Variants in IQCE observed in about 807,000 individuals in gnomAD.
IQCE encodes the protein IQ domain-containing protein E.
IQCE carries 115 observed loss-of-function variants against 96.0 expected under a neutral mutation model. The observed-to-expected ratio is 1.20, with a 90% CI of 1.03 to 1.40. The LOEUF (loss-of-function observed/expected upper bound fraction) is 1.40, where lower values mean the gene tolerates loss of function less well. IQCE is among the 40% of genes most tolerant of loss of function. The pLI is 0.00. For synonymous variants in IQCE, 412 were observed against 371.2 expected (o/e 1.11, Z -1.26); for missense variants, 1,041 against 909.1 (o/e 1.15, Z -1.87).
At chr7:2,582,519 C>T (rs1782754184) in intron 8 of IQCE, 61 bp from the exon 9 acceptor site, 5 of 1,430,886 alleles carry the variant, frequency 3.5e-6, no homozygotes, top group Non-Finnish European at 4.9e-6. Flanking sequence ...CAGGAGGGGA[C>T]AGCCGCTTCT....
At chr7:2,572,819 C>T (rs1414327476) in intron 5 of IQCE, 4 of 443,882 alleles carry the variant, frequency 9.0e-6, no homozygotes, top group Admixed American at 5.1e-5. Flanking sequence ...CCTGGGATTA[C>T]AGGCATGAGC....
At chr7:2,564,008 G>A (rs566405240) in intron 1 of IQCE, among the ~76,000 whole-genome samples, 1 of 151,458 alleles carries the variant, frequency 6.6e-6, no homozygotes, top group Non-Finnish European at 1.5e-5. Flanking sequence ...AGGAGTTCAA[G>A]ACCAGCCTGG....
chr7:2,609,729 T>C (rs570980262), intron 21 of IQCE, among the ~76,000 whole-genome samples: 1 of 147,596 alleles, frequency 6.8e-6, no homozygotes, highest in Non-Finnish European at 1.5e-5. Flanking sequence ...GGCTGGAGAG[T>C]GAGGCTTTCT....
chr7:2,578,396 C>T (rs1304114123), intron 7 of IQCE, 41 bp downstream of exon 7: 1 of 1,611,078 alleles, frequency 6.2e-7, no homozygotes, highest in Non-Finnish European at 8.5e-7. Context: ...AGGGGAGGGT[C>T]CTCGGGGCAG....
chr7:2,588,256 C>T (rs944347373), intron 13 of IQCE, among the ~76,000 whole-genome samples: 6 of 152,092 alleles, frequency 3.9e-5, no homozygotes, highest in Admixed American at 2.0e-4. Context: ...GCAGAAATGT[C>T]GGGAAATGAA....
chr7:2,610,166 C>G lies in IQCE; in HGVS notation c.*4C>G. 1.3e-6 allele frequency: 2 copies of G among 1,526,252 alleles called. No homozygotes were observed. The highest frequency in any genetic ancestry group is 1.8e-6 in the Non-Finnish European group (2 of 1,099,540). 94.5% of individuals were successfully genotyped at this position (1,526,252 alleles called of 1,614,324 possible). ...CACGAAGAACTTTCCAGTTTAGGTC[C>G]CCGTCACTGTCTCCACGCCGTGATG... is the stretch of plus-strand genomic sequence containing the variant. On this transcript the variant is annotated 3_prime_UTR_variant, in exon 22 of 22. Transcript: ENST00000402050.
At chr7:2,591,914 ACCCGGG>A (rs1783618181) in intron 14 of IQCE, among the ~76,000 whole-genome samples, 2 of 144,776 alleles carry the variant, frequency 1.4e-5, no homozygotes, top group East Asian at 2.1e-4. Context: ...GAGCCACCGC[ACCCGGG>A]CCTGCCTCGG....
intron 20 of IQCE, among the ~76,000 whole-genome samples, chr7:2,606,850 C>T (rs369554217): frequency 4.6e-5 from 7 of 152,154 alleles, no homozygotes; most frequent in Admixed American, 1.3e-4. Flanking sequence ...GGAACGGAGC[C>T]GTCTGAGGCC....
chr7:2,565,971 A>T (rs1050964768), intron 1 of IQCE, among the ~76,000 whole-genome samples: 1 of 152,144 alleles, frequency 6.6e-6, no homozygotes, highest in African/African-American at 2.4e-5. Flanking sequence ...ATACAGTTTC[A>T]CACTGCTAGC....
In IQCE at chr7:2,601,422, TTTC is replaced by T; in HGVS notation, c.1609-16_1609-14del. 6.7e-7 allele frequency: 1 copy of T among 1,489,400 alleles called. No homozygotes were observed. The allele number at this position is 1,489,400 out of a possible 1,614,324, so 92.3% of individuals were successfully genotyped here. On this transcript the variant is annotated splice_polypyrimidine_tract_variant and intron_variant, in intron 17 of 21. Coordinates refer to ENST00000402050, the MANE Select transcript of IQCE (RefSeq NM_152558.5). ...CTCGTGTTAATTCATGTATTTTTTC[TTTC>T]TTTTTTTTTTTCCAGAAAAAAAAGG...
At chr7:2,563,375 T>TTTTGTGTGTGTG (rs60896382) in intron 1 of IQCE, among the ~76,000 whole-genome samples, 1,402 of 135,790 alleles carry the variant, frequency 0.01, 38 homozygotes, top group African/African-American at 0.038. Flanking sequence ...TAATTTTTTG[T>TTTTGTGTGTGTG]TGTGTGTGTG....
intron 1 of IQCE, among the ~76,000 whole-genome samples, chr7:2,561,820 G>A (rs1780989806): frequency 6.6e-6 from 1 of 152,186 alleles, no homozygotes. Context: ...GATTTTCTAT[G>A]TATAAAATCA....
intron 13 of IQCE, 94 bp from the exon 14 acceptor site, chr7:2,589,813 C>CA: frequency 8.1e-7 from 1 of 1,240,124 alleles, no homozygotes; most frequent in Non-Finnish European, 1.2e-6. Context: ...GCTGGAGACT[C>CA]AGTTTGCCCT....
chr7:2,605,845 A>G (rs149717152), intron 19 of IQCE, 31 bp from the exon 20 acceptor site: 11 of 1,520,894 alleles, frequency 7.2e-6, no homozygotes, highest in Admixed American at 6.1e-5. Context: ...GCTGCCAAAC[A>G]GTCGTCTTCC....
intron 1 of IQCE, among the ~76,000 whole-genome samples, chr7:2,565,905 G>A (rs1490892095): frequency 6.6e-6 from 1 of 152,182 alleles, no homozygotes; most frequent in Non-Finnish European, 1.5e-5. Flanking sequence ...TTGCACTTGT[G>A]TCCTGGCCTG....
rs1173072281 is a variant in IQCE at position 2,614,503 on chromosome 7, T to A, written c.*4341T>A. The A allele has an allele frequency of 6.6e-6, 1 of 152,224 alleles. No individual in the cohort carries two copies. Among genetic ancestry groups the A allele is most frequent in the Non-Finnish European group, 1.5e-5 (1 of 68,050 alleles). 9.4% of individuals were successfully genotyped at this position (152,224 alleles called of 1,614,324 possible). On this transcript the variant is annotated 3_prime_UTR_variant, in exon 22 of 22. Transcript: ENST00000402050. The stretch of plus-strand genomic sequence containing the variant: ...ACAGACCACGGCTGGGTAAGCACCC[T>A]TAAAAGCAACAGAAATGACGTCTGG...
intron 1 of IQCE, among the ~76,000 whole-genome samples, chr7:2,560,582 C>T (rs1780872436): frequency 6.6e-6 from 1 of 152,326 alleles, no homozygotes; most frequent in African/African-American, 2.4e-5. Flanking sequence ...GTTACTGCTT[C>T]TTCATCTTTA....
chr7:2,608,424 C>T (rs938165678), intron 21 of IQCE, among the ~76,000 whole-genome samples: 9 of 152,354 alleles, frequency 5.9e-5, no homozygotes, highest in South Asian at 2.1e-4. Flanking sequence ...GGAAATACCA[C>T]GTATGAAATC....
At chr7:2,582,687 C>G in intron 9 of IQCE, 37 bp downstream of exon 9, 1 of 1,585,612 alleles carries the variant, frequency 6.3e-7, no homozygotes, top group Non-Finnish European at 8.6e-7. Context: ...CTGCCTTCCG[C>G]CCCGTGTTCT....
Sources: allele counts gnomAD v4.1 joint callset (sites outside exome capture counted in the v4.1 genomes callset), GRCh38; gene constraint gnomAD v4.1.1; transcripts MANE v1.5; gene names NCBI Gene and HGNC (gene_info 2026-07-23, HGNC 2026-07-21).